KIRREL3: variants seen among roughly 807,000 people sequenced by gnomAD.
KIRREL3 encodes the protein kin of IRRE-like protein 3.
KIRREL3 carries 36 observed loss-of-function variants against 89.7 expected under a neutral mutation model. That is an observed-to-expected ratio of 0.40 (90% CI 0.31 to 0.53). The LOEUF (loss-of-function observed/expected upper bound fraction) is 0.53, where lower values mean the gene tolerates loss of function less well. Among genes scored for constraint, KIRREL3 ranks in the 20% least tolerant of loss-of-function variants. KIRREL3 has a pLI of 0.49. For missense variants in KIRREL3, 864 were observed against 1,056.6 expected (o/e 0.82, Z 2.53); for synonymous variants, 445 against 441.4 (o/e 1.01, Z -0.10).
At chr11:126,613,615 A>C (rs547929853) in intron 1 of KIRREL3, among the ~76,000 whole-genome samples, 1 of 152,120 alleles carries the variant, frequency 6.6e-6, no homozygotes, top group Admixed American at 6.5e-5. Context: ...TTATTTTTGT[A>C]ATCATCTTCT....
chr11:126,901,599 TTGG>T (rs1946373693), intron 1 of KIRREL3, among the ~76,000 whole-genome samples: 2 of 152,200 alleles, frequency 1.3e-5, no homozygotes, highest in Admixed American at 1.3e-4. Flanking sequence ...TGGCAACCTC[TTGG>T]TGGTGCTGAA....
At chr11:126,840,180 C>A (rs540703437) in intron 1 of KIRREL3, among the ~76,000 whole-genome samples, 1 of 152,260 alleles carries the variant, frequency 6.6e-6, no homozygotes, top group South Asian at 2.1e-4. Flanking sequence ...TTATTTTGAT[C>A]TTTCTTTTAG....
In KIRREL3 at chr11:126,463,878, C is replaced by T. The variant is rs2134255204; in HGVS notation, c.592-571G>A. Among the ~76,000 whole-genome samples, 1 of 152,296 alleles carries T rather than the reference C, an allele frequency of 6.6e-6. No individual in the cohort carries two copies. Among genetic ancestry groups the T allele is most frequent in the East Asian group, 1.9e-4 (1 of 5,184 alleles). ...TCAACTTTCCAAAGCGTTTCACTCC[C>T]TGATCTCATTAGAGTCTCAATCAAA... On this transcript the variant is annotated intron_variant, in intron 5 of 16. Coordinates refer to ENST00000525144, the MANE Select transcript of KIRREL3 (RefSeq NM_032531.4). This position sits in a 1 kb window ranked among gnomAD's most constrained non-coding sequence, Gnocchi z 5.9.
chr11:126,889,200 C>G (rs1945812129), intron 1 of KIRREL3, among the ~76,000 whole-genome samples: 1 of 151,878 alleles, frequency 6.6e-6, no homozygotes, highest in South Asian at 2.1e-4. Context: ...CCTTAGTGAC[C>G]CCTCCCTTTT....
rs1945098555 is a variant in KIRREL3, at chr11:126,655,595, G to T, written c.56-92683C>A. 1.3e-5 allele frequency among the ~76,000 whole-genome samples: 2 copies of T among 152,206 alleles called. No individual in the cohort carries two copies. Among genetic ancestry groups the T allele is most frequent in the African/African-American group, 4.8e-5 (2 of 41,432 alleles). ...TCCCCCTGGGGACTGGAACCACTTT[G>T]CAAAGAGCGCAGATCTGCAGTTTTC... is the stretch of plus-strand genomic sequence containing the variant. On this transcript the variant is annotated intron_variant, in intron 1 of 16. Transcript: ENST00000525144. This position sits in a 1 kb window ranked among gnomAD's most constrained non-coding sequence, Gnocchi z 5.0.
intron 2 of KIRREL3, among the ~76,000 whole-genome samples, chr11:126,552,926 T>C (rs769804234): frequency 6.6e-6 from 1 of 152,148 alleles, no homozygotes; most frequent in Non-Finnish European, 1.5e-5. Context: ...TATACCAGTG[T>C]ACTCCTTCCT....
chr11:126,503,019 G>T (rs542934538), intron 4 of KIRREL3, among the ~76,000 whole-genome samples: 1 of 152,318 alleles, frequency 6.6e-6, no homozygotes, highest in South Asian at 2.1e-4. Flanking sequence ...TAAAAGCTTT[G>T]CAGCGCTTAA....
At chr11:126,507,784 G>A (rs1477976584) in intron 4 of KIRREL3, among the ~76,000 whole-genome samples, 2 of 152,196 alleles carry the variant, frequency 1.3e-5, no homozygotes, top group Non-Finnish European at 2.9e-5. Flanking sequence ...TGTTGCCCAG[G>A]CCATGTTGGC....
intron 1 of KIRREL3, among the ~76,000 whole-genome samples, chr11:126,853,345 C>T (rs997378273): frequency 6.6e-6 from 1 of 152,166 alleles, no homozygotes; most frequent in Non-Finnish European, 1.5e-5. Flanking sequence ...TATGAACTGC[C>T]ATGGAGTTAT....
At chr11:126,469,107 T>A (rs1207541463) in intron 5 of KIRREL3, among the ~76,000 whole-genome samples, 1 of 152,232 alleles carries the variant, frequency 6.6e-6, no homozygotes, top group Non-Finnish European at 1.5e-5. Context: ...TGGGTGCTGC[T>A]GTCGTTCCCA....
intron 1 of KIRREL3, among the ~76,000 whole-genome samples, chr11:126,658,151 ATG>A (rs2135000965): frequency 6.6e-6 from 1 of 152,334 alleles, no homozygotes; most frequent in South Asian, 2.1e-4. Context: ...TGTAGTGGTA[ATG>A]CTTGGAATAA....
intron 1 of KIRREL3, among the ~76,000 whole-genome samples, chr11:126,865,946 C>A (rs1026574638): frequency 6.6e-6 from 1 of 152,096 alleles, no homozygotes. Context: ...GCCTCCTCTG[C>A]GCTGAATAAT....
In KIRREL3 at chr11:126,508,709, A is replaced by G. The variant is rs1018569866; in HGVS notation, c.433+12606T>C. On this transcript the variant is annotated intron_variant, in intron 4 of 16. Transcript: ENST00000525144. The surrounding 1 kb of genome is among the most constrained non-coding windows in gnomAD (Gnocchi z 4.9). ...TTCAGAGCCAGAAGCGACTGCATTC[A>G]GATTCTCGTTCTTTACCTTTCTTGT... 2.6e-5 allele frequency among the ~76,000 whole-genome samples: 4 copies of G among 152,214 alleles called. No individual in the cohort carries two copies. The highest frequency in any genetic ancestry group is 5.9e-5 in the Non-Finnish European group (4 of 68,036).
rs1958932659 is a variant in KIRREL3 at position 126,531,196 on chromosome 11, C to A, written c.134-4509G>T. ...AGCAGGCTGTACATCTCTCAGACTT[C>A]CCCTTTCCTCTCTATTCCCACTGCT... On this transcript the variant is annotated intron_variant, in intron 2 of 16. Coordinates refer to ENST00000525144, the MANE Select transcript of KIRREL3 (RefSeq NM_032531.4). This position sits in a 1 kb window ranked among gnomAD's most constrained non-coding sequence, Gnocchi z 4.7. Among the ~76,000 whole-genome samples the A allele has an allele frequency of 6.6e-6, 1 of 152,158 alleles. No homozygotes were observed. The highest frequency in any genetic ancestry group is 2.4e-5 in the African/African-American group (1 of 41,432).
intron 1 of KIRREL3, among the ~76,000 whole-genome samples, chr11:126,738,260 C>T (rs1948869889): frequency 6.6e-6 from 1 of 152,128 alleles, no homozygotes; most frequent in Non-Finnish European, 1.5e-5. Flanking sequence ...AGGGGAGTAG[C>T]CTCCAACAGC....
rs1947142395 is a variant in KIRREL3, at chr11:126,918,718, T to A, written c.55+81737A>T. Among the ~76,000 whole-genome samples, 1 of 152,198 alleles carries A rather than the reference T, an allele frequency of 6.6e-6. No individual in the cohort carries two copies. Among genetic ancestry groups the A allele is most frequent in the African/African-American group, 2.4e-5 (1 of 41,442 alleles). On this transcript the variant is annotated intron_variant, in intron 1 of 16. Transcript: ENST00000525144. This position sits in a 1 kb window ranked among gnomAD's most constrained non-coding sequence, Gnocchi z 6.5. ...GGCAGACATTACTAATCAAGGATAG[T>A]TCCCCTTTTCAAAATCTTTTCCTGC... is the stretch of plus-strand genomic sequence containing the variant.
rs1489678525 is a variant in KIRREL3, at chr11:126,776,997, G to C, written c.56-214085C>G. Among the ~76,000 whole-genome samples, 1 of 152,220 alleles carries C rather than the reference G, an allele frequency of 6.6e-6. No individual in the cohort carries two copies. Among genetic ancestry groups the C allele is most frequent in the Non-Finnish European group, 1.5e-5 (1 of 68,038 alleles). ...ATGTCAGGACTGCCATTTGTGAGCTGTGTTAAACCTCAGATGTCAGGAGAG... is the reference window on the plus strand; with the variant it reads ...ATGTCAGGACTGCCATTTGTGAGCTCTGTTAAACCTCAGATGTCAGGAGAG... On this transcript the variant is annotated intron_variant, in intron 1 of 16. Coordinates refer to ENST00000525144, the MANE Select transcript of KIRREL3 (RefSeq NM_032531.4). This position sits in a 1 kb window ranked among gnomAD's most constrained non-coding sequence, Gnocchi z 4.7.
At chr11:126,583,010 A>G (rs1221039425) in intron 1 of KIRREL3, among the ~76,000 whole-genome samples, 1 of 150,880 alleles carries the variant, frequency 6.6e-6, no homozygotes, top group African/African-American at 2.4e-5. Flanking sequence ...ACAGATGGAC[A>G]CTGCTATCTG....
chr11:126,942,202 C>T (rs564935593), intron 1 of KIRREL3, among the ~76,000 whole-genome samples: 25 of 152,214 alleles, frequency 1.6e-4, no homozygotes, highest in Admixed American at 1.3e-3. Flanking sequence ...TCTCTCTGAG[C>T]CTTAGTTTAC....
Sources: gnomAD v4.1 joint callset for allele counts (sites outside exome capture counted in the v4.1 genomes callset) on GRCh38, gnomAD v4.1.1 for gene constraint, Gnocchi (gnomAD v3.1) non-coding constraint, MANE v1.5 for transcripts, NCBI Gene and HGNC (gene_info 2026-07-23, HGNC 2026-07-21) for gene names.